Variants in SNTG1 observed in about 807,000 individuals in gnomAD.
The protein encoded by SNTG1 is syntrophin gamma 1.
A neutral mutation model predicts 74.7 loss-of-function variants in SNTG1; 39 were observed. The observed-to-expected ratio is 0.52, with a 90% CI of 0.40 to 0.68. The LOEUF is 0.68. Among genes scored for constraint, SNTG1 ranks in the 30% least tolerant of loss-of-function variants. The pLI is 0.00. For missense variants in SNTG1, 685 were observed against 609.5 expected, an observed-to-expected ratio of 1.12 and a Z score of -1.30; for synonymous variants, 254 against 217.1, an observed-to-expected ratio of 1.17 and a Z score of -1.49.
intron 1 of SNTG1, among the ~76,000 whole-genome samples, chr8:49,969,802 G>T (rs1030157706): frequency 6.6e-6 from 1 of 152,150 alleles, no homozygotes; most frequent in Admixed American, 6.5e-5. Context: ...TGACATCATG[G>T]TGTATGTTCC....
chr8:50,505,684 C>G (rs1254455176), intron 9 of SNTG1, among the ~76,000 whole-genome samples: 1 of 152,032 alleles, frequency 6.6e-6, no homozygotes, highest in African/African-American at 2.4e-5. Context: ...AGTCTACTAT[C>G]CAGTTTTAAA....
At chr8:50,323,148 T>G (rs1327382763) in intron 2 of SNTG1, among the ~76,000 whole-genome samples, 1 of 151,960 alleles carries the variant, frequency 6.6e-6, no homozygotes, top group Non-Finnish European at 1.5e-5. Context: ...TTCTTCAATA[T>G]GTCATTTGCA....
intron 6 of SNTG1, among the ~76,000 whole-genome samples, 163 bp downstream of exon 6, chr8:50,449,888 T>C (rs1044327289): frequency 2.0e-5 from 3 of 152,188 alleles, no homozygotes; most frequent in Non-Finnish European, 4.4e-5. Flanking sequence ...CCTTGCCCTT[T>C]ATCCTCCTGT....
At chr8:50,529,340 G>A (rs1440426519) in intron 9 of SNTG1, among the ~76,000 whole-genome samples, 1 of 151,860 alleles carries the variant, frequency 6.6e-6, no homozygotes, top group East Asian at 1.9e-4. Flanking sequence ...GAATGTGAGA[G>A]TAATAAAAGA....
intron 13 of SNTG1, among the ~76,000 whole-genome samples, chr8:50,601,697 T>G (rs1293800615): frequency 6.6e-6 from 1 of 152,140 alleles, no homozygotes; most frequent in Non-Finnish European, 1.5e-5. Context: ...TCTGGAAGAT[T>G]TGTCCAGTGC....
At chr8:50,551,823 C>T (rs2094428737) in intron 11 of SNTG1, among the ~76,000 whole-genome samples, 1 of 151,878 alleles carries the variant, frequency 6.6e-6, no homozygotes, top group Non-Finnish European at 1.5e-5. Context: ...ATGCTGTGTC[C>T]AAGATATGAG....
In SNTG1 at chr8:50,353,179, C is replaced by T. The variant is rs187916183; in HGVS notation, c.-27-41033C>T. Among the ~76,000 whole-genome samples, 308 of 146,880 alleles carry T rather than the reference C, an allele frequency of 2.1e-3. 1 individual carries two copies. The highest frequency in any genetic ancestry group is 0.011 in the Middle Eastern group (3 of 284). On this transcript the variant is annotated intron_variant, in intron 2 of 18. Coordinates refer to ENST00000642720, the MANE Select transcript of SNTG1 (RefSeq NM_018967.5). ...GACAAAAAACCAAACGCCAGATGTT[C>T]TCACTCATGGGTGGGAATTGATCAA... is the stretch of plus-strand genomic sequence containing the variant.
chr8:50,135,729 TCA>T (rs1171227034), intron 1 of SNTG1, among the ~76,000 whole-genome samples: 1 of 152,228 alleles, frequency 6.6e-6, no homozygotes, highest in African/African-American at 2.4e-5. Context: ...TTGTTATCTC[TCA>T]GTTTATCTGA....
chr8:50,111,381 G>A (rs769242075), intron 1 of SNTG1, among the ~76,000 whole-genome samples: 3 of 151,718 alleles, frequency 2.0e-5, no homozygotes, highest in Non-Finnish European at 4.4e-5. Context: ...TATACGAAGA[G>A]GCACCAGAAA....
At chr8:50,730,530 A>G (rs1178901583) in intron 17 of SNTG1, among the ~76,000 whole-genome samples, 21 of 152,164 alleles carry the variant, frequency 1.4e-4, no homozygotes, top group Admixed American at 1.4e-3. Flanking sequence ...AGATTATAGG[A>G]GCAAATGGAA....
intron 1 of SNTG1, among the ~76,000 whole-genome samples, chr8:49,921,953 C>T (rs1043159747): frequency 3.3e-5 from 5 of 152,038 alleles, no homozygotes; most frequent in Admixed American, 1.3e-4. Context: ...TTTCAGATAA[C>T]GGTGTCTCTT....
chr8:50,409,300 G>A (rs769045786), intron 4 of SNTG1, among the ~76,000 whole-genome samples: 3 of 152,110 alleles, frequency 2.0e-5, no homozygotes, highest in African/African-American at 4.8e-5. Flanking sequence ...AATATCCAAC[G>A]CATTTACTGT....
At chr8:50,360,007 G>A (rs1360356999) in intron 2 of SNTG1, among the ~76,000 whole-genome samples, 1 of 151,986 alleles carries the variant, frequency 6.6e-6, no homozygotes, top group Non-Finnish European at 1.5e-5. Context: ...TCTTAGAAAT[G>A]CAGGCCTTTC....
chr8:49,951,752 G>A (rs927488198), intron 1 of SNTG1, among the ~76,000 whole-genome samples: 1 of 150,518 alleles, frequency 6.6e-6, no homozygotes, highest in African/African-American at 2.4e-5. Context: ...AAAACTTAAA[G>A]TATAATAATA....
At chr8:50,502,672 A>G (rs2093971393) in intron 8 of SNTG1, 106 bp from the exon 9 acceptor site, 3 of 842,016 alleles carry the variant, frequency 3.6e-6, no homozygotes, top group Non-Finnish European at 5.6e-6. Flanking sequence ...TCTGAATACT[A>G]GGGAAAAATG....
intron 2 of SNTG1, among the ~76,000 whole-genome samples, chr8:50,229,152 G>A (rs947425298): frequency 6.6e-6 from 1 of 151,488 alleles, no homozygotes; most frequent in Non-Finnish European, 1.5e-5. Context: ...GCTTGGAAAG[G>A]AGATAAAATG....
intron 2 of SNTG1, among the ~76,000 whole-genome samples, chr8:50,287,055 C>A (rs568407526): frequency 1.1e-4 from 17 of 152,274 alleles, no homozygotes; most frequent in Admixed American, 9.2e-4. Context: ...TGCTGACCAA[C>A]CTGACTGTTA....
At chr8:50,565,415 G>T (rs2094510970) in intron 12 of SNTG1, among the ~76,000 whole-genome samples, 1 of 151,970 alleles carries the variant, frequency 6.6e-6, no homozygotes, top group South Asian at 2.1e-4. Flanking sequence ...TAATAGGGGA[G>T]ACTAGCTGTG....
chr8:50,144,894 T>C (rs1399948745), intron 1 of SNTG1, among the ~76,000 whole-genome samples: 3 of 152,186 alleles, frequency 2.0e-5, no homozygotes, highest in African/African-American at 2.4e-5. Context: ...TCTAGTAGCA[T>C]TGTCAGGTCA....
Sources: gnomAD v4.1 joint callset for allele counts (sites outside exome capture counted in the v4.1 genomes callset) on GRCh38, gnomAD v4.1.1 for gene constraint, MANE v1.5 for transcripts, NCBI Gene and HGNC (gene_info 2026-07-23, HGNC 2026-07-21) for gene names.